Variants in MAGI2 observed in about 807,000 individuals in gnomAD.
The protein encoded by MAGI2 is membrane-associated guanylate kinase, WW and PDZ domain-containing protein 2.
In MAGI2, 35 loss-of-function variants were observed where a neutral mutation model predicts 133.3. The ratio of observed to expected loss-of-function variants is 0.26; its 90% CI spans 0.20 to 0.35. The LOEUF (loss-of-function observed/expected upper bound fraction) is 0.35, where lower values mean the gene tolerates loss of function less well. Among genes scored for constraint, MAGI2 ranks in the 10% least tolerant of loss-of-function variants. The pLI, the probability that MAGI2 is intolerant of heterozygous loss-of-function variation, is 1.00. For missense variants in MAGI2, 1,636 were observed against 1,863.4 expected, an observed-to-expected ratio of 0.88 and a Z score of 2.25; for synonymous variants, 729 against 710.6, an observed-to-expected ratio of 1.03 and a Z score of -0.41.
intron 2 of MAGI2, among the ~76,000 whole-genome samples, chr7:78,812,205 C>G (rs1480144493): frequency 1.3e-5 from 2 of 152,124 alleles, no homozygotes; most frequent in Non-Finnish European, 2.9e-5. Flanking sequence ...CACCTCTAAA[C>G]TACAGACCTG....
chr7:78,889,018 G>T (rs1051633630), intron 2 of MAGI2, among the ~76,000 whole-genome samples: 14 of 152,162 alleles, frequency 9.2e-5, no homozygotes, highest in Non-Finnish European at 1.9e-4. Context: ...AATAATCAAT[G>T]CAGAGAAGTC....
At chr7:79,020,030 A>G (rs1562794903) in intron 1 of MAGI2, among the ~76,000 whole-genome samples, 3 of 152,218 alleles carry the variant, frequency 2.0e-5, no homozygotes. Flanking sequence ...AAAGTTTGTA[A>G]CTTCCTAAAG....
At chr7:78,367,210 C>A (rs2151255524) in intron 7 of MAGI2, among the ~76,000 whole-genome samples, 1 of 151,968 alleles carries the variant, frequency 6.6e-6, no homozygotes, top group Non-Finnish European at 1.5e-5. Context: ...AAAGGATCTA[C>A]CAGCAGCAGA....
At chr7:79,157,559 G>GA (rs71095381) in intron 1 of MAGI2, among the ~76,000 whole-genome samples, 49 of 138,390 alleles carry the variant, frequency 3.5e-4, no homozygotes, top group South Asian at 2.3e-3. Context: ...CTCCTTTTAA[G>GA]AAAAAAAAAA....
intron 14 of MAGI2, among the ~76,000 whole-genome samples, chr7:78,177,553 T>C: frequency 6.6e-6 from 1 of 152,166 alleles, no homozygotes; most frequent in East Asian, 1.9e-4. Flanking sequence ...CTTCTGGTAA[T>C]CCCTTAATTC....
intron 1 of MAGI2, among the ~76,000 whole-genome samples, chr7:79,136,052 A>AGAAAGAAAGAAAGAAG (rs1562929079): frequency 2.2e-5 from 3 of 136,372 alleles, no homozygotes; most frequent in Non-Finnish European, 3.1e-5. Context: ...AAAGAAGGAA[A>AGAAAGAAAGAAAGAAG]GAAAGAAAGA....
intron 6 of MAGI2, among the ~76,000 whole-genome samples, chr7:78,373,541 ACTTACT>A (rs1306361818): frequency 8.2e-6 from 1 of 121,986 alleles, no homozygotes; most frequent in African/African-American, 2.9e-5. Context: ...AATCTAGGTC[ACTTACT>A]CTTACTATTG....
intron 2 of MAGI2, among the ~76,000 whole-genome samples, chr7:78,893,762 A>C (rs1027408427): frequency 1.3e-5 from 2 of 152,132 alleles, no homozygotes; most frequent in Non-Finnish European, 2.9e-5. Context: ...GCATTAGGAG[A>C]TATACCTAAT....
intron 2 of MAGI2, among the ~76,000 whole-genome samples, chr7:78,853,635 C>T (rs1793370167): frequency 2.0e-5 from 3 of 152,046 alleles, no homozygotes; most frequent in South Asian, 2.1e-4. Flanking sequence ...TGGTTATGGG[C>T]GTAAGCCACC....
chr7:78,980,886 G>A (rs1267895401), intron 2 of MAGI2, among the ~76,000 whole-genome samples: 3 of 151,438 alleles, frequency 2.0e-5, no homozygotes, highest in African/African-American at 7.3e-5. Flanking sequence ...GAGTATTTTG[G>A]CCTAATTCAT....
intron 2 of MAGI2, among the ~76,000 whole-genome samples, chr7:78,704,946 A>G (rs760345444): frequency 2.6e-5 from 4 of 151,960 alleles, no homozygotes; most frequent in Non-Finnish European, 4.4e-5. Flanking sequence ...AGGGGGAGCT[A>G]AACACTGAGT....
intron 1 of MAGI2, among the ~76,000 whole-genome samples, chr7:79,249,370 A>C (rs2129555562): frequency 6.6e-6 from 1 of 152,226 alleles, no homozygotes; most frequent in South Asian, 2.1e-4. Context: ...TTGAAAAGAT[A>C]AAATCAACAA....
At chr7:78,440,823 G>T (rs1228894185) in intron 6 of MAGI2, among the ~76,000 whole-genome samples, 4 of 151,980 alleles carry the variant, frequency 2.6e-5, no homozygotes, top group African/African-American at 9.7e-5. Flanking sequence ...CGTGGTAGTG[G>T]GTGCCTGTAG....
At chr7:79,177,387 G>A (rs1826194514) in intron 1 of MAGI2, among the ~76,000 whole-genome samples, 2 of 151,896 alleles carry the variant, frequency 1.3e-5, no homozygotes, top group South Asian at 2.1e-4. Flanking sequence ...ATCATTTTAT[G>A]TATATTATCC....
At chr7:78,959,680 C>T (rs1802685396) in intron 2 of MAGI2, among the ~76,000 whole-genome samples, 2 of 152,240 alleles carry the variant, frequency 1.3e-5, no homozygotes, top group Non-Finnish European at 2.9e-5. Flanking sequence ...CATTGTGTCA[C>T]CGTGTGGTTG....
chr7:78,110,751 C>A (rs1277303926), intron 20 of MAGI2, among the ~76,000 whole-genome samples: 1 of 152,146 alleles, frequency 6.6e-6, no homozygotes, highest in African/African-American at 2.4e-5. Context: ...GGAGCAATGC[C>A]ATCTCTGAGT....
chr7:78,267,748 C>T (rs1007079407), intron 9 of MAGI2, among the ~76,000 whole-genome samples: 18 of 152,190 alleles, frequency 1.2e-4, no homozygotes, highest in Non-Finnish European at 2.4e-4. Flanking sequence ...CACCACTACC[C>T]TCTCCGTGTT....
chr7:78,360,632 A>G (rs1165139574), intron 7 of MAGI2, among the ~76,000 whole-genome samples: 1 of 152,226 alleles, frequency 6.6e-6, no homozygotes, highest in East Asian at 1.9e-4. Flanking sequence ...GTGAGTGGCA[A>G]ACAGGATTGT....
At chr7:78,506,667 CCAGCAAGACAAGG>C (rs1795118067) in intron 4 of MAGI2, among the ~76,000 whole-genome samples, 1 of 152,176 alleles carries the variant, frequency 6.6e-6, no homozygotes. Flanking sequence ...TCTGCACAGT[CCAGCAAGACAAGG>C]ACATAAAATC....
Sources: allele counts gnomAD v4.1 joint callset (sites outside exome capture counted in the v4.1 genomes callset), GRCh38; gene constraint gnomAD v4.1.1; transcripts MANE v1.5; gene names NCBI Gene and HGNC (gene_info 2026-07-23, HGNC 2026-07-21).